The following EYS variants were observed in gnomAD, a reference collection of about 807,000 sequenced individuals.
EYS encodes the protein EGF-like photoreceptor maintenance factor.
A neutral mutation model predicts 282.1 loss-of-function variants in EYS; 250 were observed. That is an observed-to-expected ratio of 0.89 (90% confidence interval 0.80 to 0.98). EYS has a LOEUF of 0.98. Among genes scored for constraint, EYS ranks in the 50% least tolerant of loss-of-function variants. The probability of loss-of-function intolerance (pLI) is 0.00; values close to 1 mark genes in which losing one functional copy is unlikely to be tolerated. For missense variants in EYS, 4,016 were observed against 3,709.0 expected, an observed-to-expected ratio of 1.08 and a Z score of -2.15; for synonymous variants, 1,355 against 1,282.9, an observed-to-expected ratio of 1.06 and a Z score of -1.20.
chr6:64,686,843 ATATATATATATGTG>A (rs1562134028), intron 22 of EYS, among the ~76,000 whole-genome samples: 1,842 of 41,026 alleles, frequency 0.045, 397 homozygotes, highest in African/African-American at 0.13. Flanking sequence ...ATATACGTGT[ATATATATATATGTG>A]TATATATATA....
At chr6:63,760,648 ATATCTATCTATCTATCTATCTATCTATC>A (rs36182718) in intron 41 of EYS, among the ~76,000 whole-genome samples, 5 of 145,892 alleles carry the variant, frequency 3.4e-5, no homozygotes, top group African/African-American at 1.3e-4. Flanking sequence ...GTATGTATGT[ATATCTATCTATCTATCTATCTATCTATC>A]TATCTATCTA....
At chr6:64,163,893 G>C (rs1055919970) in intron 31 of EYS, among the ~76,000 whole-genome samples, 1 of 152,074 alleles carries the variant, frequency 6.6e-6, no homozygotes, top group Non-Finnish European at 1.5e-5. Flanking sequence ...ATTCCAGAAG[G>C]AATCCTGAAC....
chr6:64,794,301 G>T lies in EYS; in HGVS notation c.3443+19077C>A, dbSNP rs114467312. ...TGGAAACAATTTAAATGTCTGATATGGTTTGGCTCTATGTCCTCACTAAAA... is the reference window on the plus strand; with the variant it reads ...TGGAAACAATTTAAATGTCTGATATTGTTTGGCTCTATGTCCTCACTAAAA... On this transcript the variant is annotated intron_variant, in intron 22 of 42. Transcript: ENST00000503581. Among the ~76,000 whole-genome samples the T allele has an allele frequency of 2.2e-3, 338 of 152,208 alleles. 1 individual carries two copies. The highest frequency in any genetic ancestry group is 3.9e-3 in the Non-Finnish European group (266 of 68,012).
At chr6:65,581,768 CAAAT>C (rs1764880366) in intron 2 of EYS, among the ~76,000 whole-genome samples, 1 of 151,854 alleles carries the variant, frequency 6.6e-6, no homozygotes, top group Admixed American at 6.6e-5. Context: ...ATAAAAATGA[CAAAT>C]AAATATCTGT....
chr6:64,919,687 A>C (rs1298231886), intron 15 of EYS, among the ~76,000 whole-genome samples: 1 of 152,092 alleles, frequency 6.6e-6, no homozygotes, highest in Non-Finnish European at 1.5e-5. Context: ...CCTTGATATA[A>C]TTCTCTTCAA....
intron 13 of EYS, among the ~76,000 whole-genome samples, chr6:65,022,269 GCTT>G (rs1168746655): frequency 6.6e-6 from 1 of 152,156 alleles, no homozygotes; most frequent in African/African-American, 2.4e-5. Flanking sequence ...GTGACTAGAT[GCTT>G]CCTCCATTTG....
intron 33 of EYS, among the ~76,000 whole-genome samples, chr6:64,013,642 T>C (rs1327681977): frequency 1.3e-5 from 2 of 152,140 alleles, no homozygotes; most frequent in Non-Finnish European, 2.9e-5. Context: ...AAGTGGCAAA[T>C]GCTACAAATC....
intron 31 of EYS, among the ~76,000 whole-genome samples, chr6:64,163,789 C>T (rs1252651261): frequency 6.6e-6 from 1 of 151,970 alleles, no homozygotes; most frequent in Non-Finnish European, 1.5e-5. Flanking sequence ...GTGATATATG[C>T]ATTTCTACTT....
In EYS at chr6:64,064,780, G is replaced by T. The variant is rs577249423; in HGVS notation, c.6725+1558C>A. On this transcript the variant is annotated intron_variant, in intron 33 of 42. Coordinates refer to ENST00000503581, the MANE Select transcript of EYS (RefSeq NM_001142800.2). ...TTCATGTATAACTGAAAGTACTATTGTTTGTATAAATTGTTGACATTGTAT... is the reference window on the plus strand; with the variant it reads ...TTCATGTATAACTGAAAGTACTATTTTTTGTATAAATTGTTGACATTGTAT... 2.6e-5 allele frequency among the ~76,000 whole-genome samples: 4 copies of T among 152,168 alleles called. No individual in the cohort carries two copies. The South Asian group carries it at 8.3e-4, about 32-fold the overall frequency.
chr6:64,449,208 T>C lies in EYS; in HGVS notation c.5645-9856A>G, dbSNP rs550932254. Among the ~76,000 whole-genome samples, 5 of 152,140 alleles carry C rather than the reference T, an allele frequency of 3.3e-5. No homozygotes were observed. The South Asian group carries it at 1.0e-3, about 32-fold the overall frequency. On this transcript the variant is annotated intron_variant, in intron 26 of 42. Transcript: ENST00000503581. Reference sequence around the variant, plus strand: ...CATGGCACGAGAACTACGTGATGAATGCACAAGCCTCAGTAACCAATGCAA... The same window carrying C: ...CATGGCACGAGAACTACGTGATGAACGCACAAGCCTCAGTAACCAATGCAA...
At chr6:64,947,322 G>A (rs886561512) in intron 14 of EYS, among the ~76,000 whole-genome samples, 1 of 151,738 alleles carries the variant, frequency 6.6e-6, no homozygotes, top group African/African-American at 2.4e-5. Context: ...ATAAATGCAT[G>A]CTCCATGTAT....
At chr6:65,272,185 T>C (rs1425083557) in intron 12 of EYS, among the ~76,000 whole-genome samples, 1 of 152,202 alleles carries the variant, frequency 6.6e-6, no homozygotes, top group Non-Finnish European at 1.5e-5. Flanking sequence ...GTCACTGAGA[T>C]CTTTGCTTCT....
intron 22 of EYS, among the ~76,000 whole-genome samples, chr6:64,669,787 G>A (rs1268972727): frequency 6.6e-6 from 1 of 152,106 alleles, no homozygotes; most frequent in Non-Finnish European, 1.5e-5. Context: ...GAATTTGACA[G>A]TAGTAGGAAA....
chr6:65,422,490 T>A (rs1174779349), intron 5 of EYS, among the ~76,000 whole-genome samples: 1 of 151,830 alleles, frequency 6.6e-6, no homozygotes, highest in Non-Finnish European at 1.5e-5. Flanking sequence ...ACATTCATAC[T>A]CAATAGGAAA....
chr6:64,207,371 C>G (rs938868842), intron 31 of EYS, among the ~76,000 whole-genome samples: 4 of 151,958 alleles, frequency 2.6e-5, no homozygotes, highest in Non-Finnish European at 5.9e-5. Flanking sequence ...GAACGAGGAG[C>G]CCAATAAATC....
chr6:63,998,245 G>T (rs727347), intron 34 of EYS, among the ~76,000 whole-genome samples: 40,817 of 151,920 alleles, frequency 0.27, 6,170 homozygotes, highest in Middle Eastern at 0.36. Context: ...TACCTTTTCA[G>T]GGTTCTTGCA....
At chr6:63,901,735 T>C (rs68122332) in intron 35 of EYS, among the ~76,000 whole-genome samples, 10,761 of 151,958 alleles carry the variant, frequency 0.071, 416 homozygotes, top group African/African-American at 0.11. Flanking sequence ...GAATATCCCT[T>C]ATCCGACATG....
At chr6:65,594,083 T>C (rs1315642619) in intron 2 of EYS, among the ~76,000 whole-genome samples, 2 of 151,962 alleles carry the variant, frequency 1.3e-5, no homozygotes, top group Non-Finnish European at 2.9e-5. Flanking sequence ...ATATAGCAAT[T>C]AGAACAGCTC....
chr6:64,664,036 G>T (rs577617148), intron 22 of EYS, among the ~76,000 whole-genome samples: 4 of 152,324 alleles, frequency 2.6e-5, no homozygotes, highest in African/African-American at 9.6e-5. Context: ...CACCCTGCCC[G>T]ATCTGGAGGG....
Sources: gnomAD v4.1 joint callset for allele counts (sites outside exome capture counted in the v4.1 genomes callset) on GRCh38, gnomAD v4.1.1 for gene constraint, MANE v1.5 for transcripts, NCBI Gene and HGNC (gene_info 2026-07-23, HGNC 2026-07-21) for gene names.